Variants in FGF13 observed in about 807,000 individuals in gnomAD.
FGF13 encodes fibroblast growth factor 13.
Under a neutral mutation model 19.5 loss-of-function variants are expected in FGF13, and 2 were observed. The observed-to-expected ratio is 0.10, with a 90% CI of 0.04 to 0.32. The LOEUF (loss-of-function observed/expected upper bound fraction) is 0.32, where lower values mean the gene tolerates loss of function less well. Among genes scored for constraint, FGF13 ranks in the 10% least tolerant of loss-of-function variants. The pLI is 1.00. For synonymous variants in FGF13, 72 were observed against 76.9 expected (o/e 0.94, Z 0.33); for missense variants, 113 against 192.7 (o/e 0.59, Z 2.45).
At chrX:138,726,645 C>T (rs73241067) in intron 1 of FGF13, among the ~76,000 whole-genome samples, 4,932 of 111,798 alleles carry the variant, frequency 0.044, 112 homozygotes, top group Non-Finnish European at 0.069. Flanking sequence ...CCAACTGAGA[C>T]GACTGATACT....
At chrX:138,958,201 T>C (rs962893418) in intron 1 of FGF13, among the ~76,000 whole-genome samples, 11 of 111,919 alleles carry the variant, frequency 9.8e-5, no homozygotes, top group African/African-American at 2.6e-4. Flanking sequence ...ATACGTCCCA[T>C]TGATACCTAG....
chrX:138,890,619 G>A (rs1265232424), intron 1 of FGF13, among the ~76,000 whole-genome samples: 1 of 112,021 alleles, frequency 8.9e-6, no homozygotes, highest in Non-Finnish European at 1.9e-5. Flanking sequence ...GAGAGCTTAA[G>A]CCACTTGAAG....
intron 1 of FGF13, among the ~76,000 whole-genome samples, chrX:138,971,636 T>TG (rs1918684207): frequency 8.9e-6 from 1 of 111,790 alleles, no homozygotes. Context: ...TACAGTGTGA[T>TG]GCTTTGATAC....
At chrX:138,779,080 TC>T (rs2090616179) in intron 3 of FGF13, among the ~76,000 whole-genome samples, 1 of 111,758 alleles carries the variant, frequency 8.9e-6, no homozygotes, top group East Asian at 2.8e-4. Context: ...TGCAGGGTAC[TC>T]CAACAGACCT....
In FGF13 at chrX:138,819,381, T is replaced by C. The variant is rs190000615; in HGVS notation, c.217+38131A>G. On this transcript the variant is annotated intron_variant, in intron 3 of 6. Transcript: ENST00000436198. The stretch of plus-strand genomic sequence containing the variant: ...AAGCTAGAAACATAAACTATAAGGC[T>C]GGAGGTTGGAGTGAATAATGAATGC... 4.9e-3 allele frequency among the ~76,000 whole-genome samples: 552 copies of C among 111,522 alleles called. 2 individuals are homozygous for C. The highest frequency in any genetic ancestry group is 9.2e-3 in the Middle Eastern group (2 of 217).
intron 1 of FGF13, among the ~76,000 whole-genome samples, chrX:138,957,571 G>C (rs1332463862): frequency 1.8e-5 from 2 of 111,328 alleles, no homozygotes; most frequent in African/African-American, 3.3e-5. Flanking sequence ...TTGGTAGCTT[G>C]ATGGGGATGG....
At chrX:138,782,895 A>G (rs199799817) in intron 3 of FGF13, among the ~76,000 whole-genome samples, 1 of 79,105 alleles carries the variant, frequency 1.3e-5, no homozygotes, top group Non-Finnish European at 2.4e-5. Context: ...GAGGCATCAC[A>G]CTACCTGACT....
At chrX:138,850,446 C>T (rs2091214039) in intron 3 of FGF13, among the ~76,000 whole-genome samples, 2 of 111,703 alleles carry the variant, frequency 1.8e-5, no homozygotes, top group South Asian at 7.4e-4. Context: ...GAATTAAATA[C>T]TTTGTGGGGA....
At chrX:139,188,871 A>T (rs897187353) in intron 1 of FGF13, among the ~76,000 whole-genome samples, 4 of 112,099 alleles carry the variant, frequency 3.6e-5, no homozygotes, top group African/African-American at 9.7e-5. Context: ...TTCTCTTCAA[A>T]CATTTATTGC....
Position 138,873,071 on chromosome X carries a change from C to T in FGF13, c.-112-8421G>A, listed in dbSNP as rs746880624. 1.1e-3 allele frequency among the ~76,000 whole-genome samples: 120 copies of T among 111,642 alleles called. 1 individual carries two copies. The highest frequency in any genetic ancestry group is 2.0e-3 in the Non-Finnish European group (107 of 53,173). On this transcript the variant is annotated intron_variant, in intron 1 of 2. Coordinates refer to the FGF13 transcript ENST00000421460. ...TTGAGGTTTTTTTGTGCTCCGCTGC[C>T]ACAACTCCCAGCAATATTTGTGAAT... is the stretch of plus-strand genomic sequence containing the variant.
chrX:139,018,022 A>C, intron 1 of FGF13, among the ~76,000 whole-genome samples: 1 of 111,905 alleles, frequency 8.9e-6, no homozygotes. Flanking sequence ...AATGGGGATA[A>C]ATAGATCCAA....
intron 1 of FGF13, among the ~76,000 whole-genome samples, chrX:138,932,703 A>AGT (rs57793547): frequency 0.37 from 33,105 of 89,931 alleles, 5,208 homozygotes; most frequent in Middle Eastern, 0.45. Flanking sequence ...TCAGGAGTGT[A>AGT]GTGTGTGTGT....
At chrX:138,792,476 A>G (rs983697089) in intron 3 of FGF13, among the ~76,000 whole-genome samples, 5 of 111,487 alleles carry the variant, frequency 4.5e-5, no homozygotes, top group Non-Finnish European at 9.4e-5. Context: ...TCTCATTTCT[A>G]TTTTGCAGGT....
At chrX:139,123,219 T>C (rs933621563) in intron 1 of FGF13, among the ~76,000 whole-genome samples, 4 of 111,877 alleles carry the variant, frequency 3.6e-5, no homozygotes, top group African/African-American at 1.3e-4. Context: ...CATCGACTGA[T>C]CCTTTAAAAA....
chrX:138,994,349 CCTAAGTGTCT>C (rs1435454256), intron 1 of FGF13, among the ~76,000 whole-genome samples: 1 of 110,898 alleles, frequency 9.0e-6, no homozygotes, highest in Non-Finnish European at 1.9e-5. Flanking sequence ...CTCATCTATA[CCTAAGTGTCT>C]CTTAAAAGCC....
At chrX:138,752,993 C>T (rs1283493242) in intron 3 of FGF13, among the ~76,000 whole-genome samples, 2 of 111,704 alleles carry the variant, frequency 1.8e-5, no homozygotes, top group East Asian at 5.6e-4. Context: ...GAAATAGAAA[C>T]CCAGATAACT....
At chrX:139,126,412 C>T (rs920302663) in intron 1 of FGF13, among the ~76,000 whole-genome samples, 1 of 111,288 alleles carries the variant, frequency 9.0e-6, no homozygotes, top group African/African-American at 3.3e-5. Context: ...CACTCAGTTC[C>T]TGCCCCTATC....
At chrX:139,079,738 A>G (rs2083357234) in intron 1 of FGF13, among the ~76,000 whole-genome samples, 1 of 111,240 alleles carries the variant, frequency 9.0e-6, no homozygotes, top group African/African-American at 3.3e-5. Flanking sequence ...GCAATGCAGG[A>G]GTGGTTAAGA....
intron 1 of FGF13, among the ~76,000 whole-genome samples, chrX:138,996,805 T>A (rs1486267663): frequency 8.9e-6 from 1 of 112,380 alleles, no homozygotes; most frequent in East Asian, 2.8e-4. Flanking sequence ...GCAGTGGTTC[T>A]CCCAGCACAG....
Sources: allele counts gnomAD v4.1 joint callset (sites outside exome capture counted in the v4.1 genomes callset), GRCh38; gene constraint gnomAD v4.1.1; transcripts MANE v1.5; gene names NCBI Gene and HGNC (gene_info 2026-07-23, HGNC 2026-07-21).